The following KLF5 variants were observed in gnomAD, a reference collection of about 807,000 sequenced individuals.
The protein encoded by KLF5 is KLF transcription factor 5, also known as Krueppel-like factor 5.
KLF5 carries 9 observed loss-of-function variants against 36.9 expected under a neutral mutation model. The observed-to-expected ratio is 0.24, with a 90% CI of 0.15 to 0.43. The LOEUF is 0.43. Among genes scored for constraint, KLF5 ranks in the 20% least tolerant of loss-of-function variants. KLF5 has a pLI of 1.00. For missense variants in KLF5, 524 were observed against 599.5 expected (o/e 0.87, Z 1.31); for synonymous variants, 246 against 241.7 (o/e 1.02, Z -0.17).
chr13:73,061,776 G>A, intron 1 of KLF5, 85 bp from the exon 2 acceptor site: 4 of 1,311,470 alleles, frequency 3.1e-6, no homozygotes, highest in East Asian at 2.3e-5. Context: ...AGGGATTGGG[G>A]GAATTTTTAG....
chr13:73,063,992 T>G lies in KLF5; in HGVS notation c.1195+109T>G, dbSNP rs1017986643. 4.8e-6 allele frequency: 3 copies of G among 623,044 alleles called. No homozygotes were observed. In the African/African-American group the frequency reaches 5.6e-5, roughly 12 times the overall value. 38.6% of individuals were successfully genotyped at this position (623,044 alleles called of 1,614,324 possible). A position where few individuals can be genotyped will look rare whatever the true frequency, so the allele number is the denominator to read the frequency against. ...TCTCTTCTCCTGTCAACTTTGTTTT[T>G]TTTTTTTTTTTTAAATAGCCTACCT... On this transcript the variant is annotated intron_variant, in intron 3 of 3. Coordinates refer to ENST00000377687, the MANE Select transcript of KLF5 (RefSeq NM_001730.5).
chr13:73,072,935 G>A (rs189909382), intron 3 of KLF5, among the ~76,000 whole-genome samples: 2 of 152,306 alleles, frequency 1.3e-5, no homozygotes, highest in East Asian at 1.9e-4. Context: ...CTTGTTTTCT[G>A]TGCTGTACAA....
rs957639063 is a variant in KLF5 at position 73,061,719 on chromosome 13, G to A, written c.262-142G>A. 8.4e-6 allele frequency: 6 copies of A among 711,494 alleles called. No homozygotes were observed. In the African/African-American group the frequency reaches 1.1e-4, roughly 13 times the overall value. 44.1% of individuals were successfully genotyped at this position (711,494 alleles called of 1,614,324 possible). A position where few individuals can be genotyped will look rare whatever the true frequency, so the allele number is the denominator to read the frequency against. On this transcript the variant is annotated intron_variant, in intron 1 of 3. Transcript: ENST00000377687. ...ATTACACAATCGACAAAATAAGCCT[G>A]ATATGTTTATAAGCAACACTGAGGA...
chr13:73,062,322 T>G lies in KLF5; in HGVS notation c.723T>G (p.Ser241Arg). Residue 241 changes from serine to arginine, a missense_variant, in exon 2 of 4, where the codon AGT (serine) becomes AGG (arginine). By Grantham distance (110) the Ser-to-Arg change is moderately radical (BLOSUM62 -1). This residue lies in a region of KLF5 where 454 missense variants were observed against 458.1 expected (regional missense o/e 0.99). Transcript: ENST00000377687. ...LLNTPDLDMP[S>R]STNQTAAMDT... is the part of the protein sequence containing the mutation. ...ATACACCGGATCTAGATATGCCCAG[T>G]TCTACAAATCAGACAGCAGCAATGG... 6.2e-7 allele frequency: 1 copy of G among 1,614,146 alleles called. No homozygotes were observed. Among genetic ancestry groups the G allele is most frequent in the Non-Finnish European group, 8.5e-7 (1 of 1,180,028 alleles).
chr13:73,070,035 C>G (rs1178191840), intron 3 of KLF5, among the ~76,000 whole-genome samples: 1 of 152,162 alleles, frequency 6.6e-6, no homozygotes, highest in East Asian at 1.9e-4. Flanking sequence ...GAAATAATGT[C>G]CTACTTTAGT....
At chr13:73,055,875 T>C (rs2044579785), upstream of KLF5, among the ~76,000 whole-genome samples, 2 of 152,226 alleles carry the variant, frequency 1.3e-5, no homozygotes, top group African/African-American at 4.8e-5. Flanking sequence ...TCAAAGTGAA[T>C]ACAGTTTTGT....
In KLF5 at chr13:73,062,704, A is replaced by C. The variant is rs1208837911; in HGVS notation, c.1105A>C (p.Lys369Gln). 1 of 1,614,156 alleles carries C rather than the reference A, an allele frequency of 6.2e-7. No individual in the cohort carries two copies. The highest frequency in any genetic ancestry group is 2.2e-5 in the East Asian group (1 of 44,872). ...YNRRSNPDLE[K>Q]RRIHYCDYPG... is the part of the protein sequence containing the mutation. ...TAGAAGGAGTAACCCCGATTTGGAG[A>C]AACGACGCATCCACTACTGCGATTA... The change falls in exon 2 of 4, where the codon AAA becomes CAA. Residue 369 changes from lysine to glutamine, a missense_variant. This residue lies in a region of KLF5 where 46 missense variants were observed against 105.8 expected (regional missense o/e 0.43). Transcript: ENST00000377687.
upstream of KLF5, among the ~76,000 whole-genome samples, chr13:73,058,269 G>A (rs1012546576): frequency 1.3e-5 from 2 of 152,160 alleles, no homozygotes; most frequent in East Asian, 3.9e-4. Context: ...CCCCACACAC[G>A]GATGGGAAGT....
At chr13:73,062,776 TGTGTGTGTGTGTGTCTGTGTGCGCGCGC>T in intron 2 of KLF5, 42 bp downstream of exon 2, 4 of 1,535,550 alleles carry the variant, frequency 2.6e-6, no homozygotes, top group Non-Finnish European at 3.6e-6. Flanking sequence ...AGATGTAGTG[TGTGTGTGTGTGTGTCTGTGTGCGCGCGC>T]GTGTGCGTGT....
chr13:73,060,686 A>C (rs956974240), intron 1 of KLF5: 1 of 152,224 alleles, frequency 6.6e-6, no homozygotes, highest in African/African-American at 2.4e-5. Flanking sequence ...ACGCATTTGA[A>C]ATGAAGTAGT....
rs950596090 is a variant in KLF5, at chr13:73,062,684, G to A, written c.1085G>A (p.Arg362Lys). Reference protein sequence around the residue: ...QNIQPVRYNRRSNPDLEKRRI... With the variant: ...QNIQPVRYNRKSNPDLEKRRI... ...ATCCAACCTGTCAGATACAATAGAA[G>A]GAGTAACCCCGATTTGGAGAAACGA... Residue 362 changes from arginine (R) to lysine (K), a missense_variant, in exon 2 of 4, where the codon AGG becomes AAG. Physicochemically the swap from Arg to Lys is conservative, Grantham distance 26. This residue lies in a region of KLF5 where 46 missense variants were observed against 105.8 expected (regional missense o/e 0.43). Coordinates refer to ENST00000377687, the MANE Select transcript of KLF5 (RefSeq NM_001730.5). 1.2e-6 allele frequency: 2 copies of A among 1,614,120 alleles called. No homozygotes were observed. Among genetic ancestry groups the A allele is most frequent in the Non-Finnish European group, 1.7e-6 (2 of 1,180,022 alleles).
intron 3 of KLF5, among the ~76,000 whole-genome samples, chr13:73,068,056 G>C: frequency 6.6e-6 from 1 of 151,638 alleles, no homozygotes; most frequent in Middle Eastern, 3.2e-3. Flanking sequence ...GGCCAGGCTG[G>C]TCTCGAACTC....
chr13:73,071,303 T>C (rs2044720576), intron 3 of KLF5, among the ~76,000 whole-genome samples: 1 of 152,210 alleles, frequency 6.6e-6, no homozygotes, highest in African/African-American at 2.4e-5. Context: ...ATTTCTCTTT[T>C]GTTGCTTTTG....
intron 3 of KLF5, among the ~76,000 whole-genome samples, chr13:73,074,394 T>C (rs1265438589): frequency 6.6e-6 from 1 of 152,058 alleles, no homozygotes; most frequent in African/African-American, 2.4e-5. Flanking sequence ...GAAGGAAACA[T>C]TTTTTTAAGG....
chr13:73,059,391 CA>C lies in KLF5; in HGVS notation c.65del (p.Gln22ArgfsTer30). The C allele has an allele frequency of 7.1e-7, 1 of 1,401,342 alleles. No individual in the cohort carries two copies. Among genetic ancestry groups the C allele is most frequent in the South Asian group, 1.5e-5 (1 of 66,604 alleles). 86.8% of individuals were successfully genotyped at this position (1,401,342 alleles called of 1,614,324 possible). A position where few individuals can be genotyped will look rare whatever the true frequency, so the allele number is the denominator to read the frequency against. Reference protein sequence around the residue: ...LGPVPQPPAPQDEPVFAQLKP... With the variant: ...LGPVPQPPAPXDEPVFAQLKP... ...ACCCGTGCCCCAGCCGCCGGCGCCG[CA>C]GGACGAGCCGGTGTTCGCGCAGCTC... On this transcript the variant is annotated frameshift_variant, in exon 1 of 4. Transcript: ENST00000377687. LOFTEE classifies it high-confidence loss of function.
intron 3 of KLF5, among the ~76,000 whole-genome samples, chr13:73,065,950 G>T (rs2044676495): frequency 6.6e-6 from 1 of 152,124 alleles, no homozygotes; most frequent in East Asian, 1.9e-4. Context: ...TTTAATCGTG[G>T]GTTGTCTTAA....
upstream of KLF5, chr13:73,058,976 T>G: frequency 1.1e-5 from 2 of 178,600 alleles, no homozygotes; most frequent in Non-Finnish European, 2.3e-5. Context: ...CGGAGTTGGG[T>G]GAAATAGAGG....
chr13:73,069,496 C>A (rs943440910), intron 3 of KLF5, among the ~76,000 whole-genome samples: 1 of 151,586 alleles, frequency 6.6e-6, no homozygotes, highest in African/African-American at 2.4e-5. Context: ...TCTTTTCATT[C>A]TTTTCCATTT....
In KLF5 at chr13:73,061,974, T is replaced by C. The variant is rs774031476; in HGVS notation, c.375T>C (p.Thr125=). The change falls in exon 2 of 4, where the codon ACT becomes ACC. Residue 125 remains threonine (T), a synonymous_variant. Transcript: ENST00000377687. ...DSASVVDQFF[T]DTEGLPYSIN... is the part of the protein sequence containing the mutation. ...CCTCAGTCGTAGACCAGTTCTTCAC[T>C]GACACTGAAGGGTTACCTTACAGTA... 5 of 1,614,242 alleles carry C rather than the reference T, an allele frequency of 3.1e-6. No individual in the cohort carries two copies. The South Asian group carries it at 4.4e-5, about 14-fold the overall frequency.
Sources: allele counts gnomAD v4.1 joint callset (sites outside exome capture counted in the v4.1 genomes callset), GRCh38; gene constraint gnomAD v4.1.1; regional missense constraint gnomAD v4.1.1; transcripts MANE v1.5; gene names NCBI Gene and HGNC (gene_info 2026-07-23, HGNC 2026-07-21).